The following C20orf203 variants were observed in gnomAD, a reference collection of about 807,000 sequenced individuals.
The protein encoded by C20orf203 is chromosome 20 open reading frame 203.
In C20orf203, 16 loss-of-function variants were observed where a neutral mutation model predicts 15.9. That is an observed-to-expected ratio of 1.01 (90% CI 0.68 to 1.53). The LOEUF (loss-of-function observed/expected upper bound fraction) is 1.53. Among genes scored for constraint, C20orf203 ranks in the 40% most tolerant of loss-of-function variants. The pLI is 0.00. For missense variants in C20orf203, 263 were observed against 247.5 expected (o/e 1.06, Z -0.42); for synonymous variants, 98 against 97.2 (o/e 1.01, Z -0.05).
At chr20:32,658,941 T>G (rs987309545) in intron 1 of C20orf203, among the ~76,000 whole-genome samples, 8 of 151,984 alleles carry the variant, frequency 5.3e-5, no homozygotes, top group Non-Finnish European at 1.5e-5. Context: ...AATGGCGTGA[T>G]CTCGGCTCAC....
intron 1 of C20orf203, among the ~76,000 whole-genome samples, chr20:32,653,316 CT>C (rs900623839): frequency 1.3e-5 from 2 of 151,922 alleles, no homozygotes; most frequent in Non-Finnish European, 2.9e-5. Context: ...TGTACCAATG[CT>C]TTTTTTTAGG....
At chr20:32,637,397 T>C (rs1982165953) in intron 5 of C20orf203, among the ~76,000 whole-genome samples, 2 of 152,040 alleles carry the variant, frequency 1.3e-5, no homozygotes, top group Non-Finnish European at 1.5e-5. Flanking sequence ...ACCTGGGTGA[T>C]AGAGCAAGAC....
intron 1 of C20orf203, among the ~76,000 whole-genome samples, chr20:32,654,470 T>C (rs1335645678): frequency 6.6e-6 from 1 of 152,228 alleles, no homozygotes; most frequent in East Asian, 1.9e-4. Flanking sequence ...AACTTGGTTC[T>C]TTACAGAAAT....
intron 1 of C20orf203, among the ~76,000 whole-genome samples, chr20:32,668,777 A>C (rs533632829): frequency 1.3e-5 from 2 of 152,122 alleles, no homozygotes; most frequent in Non-Finnish European, 1.5e-5. Context: ...AGATCGCCCC[A>C]CTGTAGTCCA....
intron 5 of C20orf203, among the ~76,000 whole-genome samples, chr20:32,639,627 T>TAA (rs11353903): frequency 1.1e-3 from 147 of 129,236 alleles, no homozygotes; most frequent in African/African-American, 2.9e-3. Context: ...TTTTAAATAG[T>TAA]AAAAAAAAAA....
rs1982119413 is a variant in C20orf203 at position 32,635,678 on chromosome 20, G to A, written c.*1300-1408C>T. ...ATACAAAAATTAGCTGGGCATGGTGGTGTGTGCCTGTAGTCCCAGCTACTC... is the reference window on the plus strand; with the variant it reads ...ATACAAAAATTAGCTGGGCATGGTGATGTGTGCCTGTAGTCCCAGCTACTC... On this transcript the variant is annotated intron_variant, in intron 5 of 5. Transcript: ENST00000608990. Among the ~76,000 whole-genome samples, 5 of 152,154 alleles carry A rather than the reference G, an allele frequency of 3.3e-5. 1 individual carries two copies. The East Asian group carries it at 7.7e-4, about 24-fold the overall frequency.
intron 5 of C20orf203, among the ~76,000 whole-genome samples, chr20:32,639,233 T>A (rs1381742947): frequency 2.6e-5 from 4 of 152,240 alleles, no homozygotes; most frequent in Non-Finnish European, 5.9e-5. Context: ...AAACAATCCT[T>A]GCTCTTTGAG....
chr20:32,654,466 G>C (rs1982709510), intron 1 of C20orf203, among the ~76,000 whole-genome samples: 1 of 152,150 alleles, frequency 6.6e-6, no homozygotes, highest in African/African-American at 2.4e-5. Context: ...TTCCAACTTG[G>C]TTCTTTACAG....
At chr20:32,655,043 T>C (rs1341393521) in intron 1 of C20orf203, among the ~76,000 whole-genome samples, 1 of 152,118 alleles carries the variant, frequency 6.6e-6, no homozygotes, top group Non-Finnish European at 1.5e-5. Context: ...GCCGAACATA[T>C]TTAATGGTGG....
chr20:32,641,094 G>C (rs897524454), intron 4 of C20orf203, among the ~76,000 whole-genome samples: 1 of 151,986 alleles, frequency 6.6e-6, no homozygotes, highest in South Asian at 2.1e-4. Flanking sequence ...CGAGGTGGTC[G>C]GATTGCTTGA....
At chr20:32,653,042 C>T (rs1302596012) in intron 1 of C20orf203, among the ~76,000 whole-genome samples, 1 of 152,194 alleles carries the variant, frequency 6.6e-6, no homozygotes, top group African/African-American at 2.4e-5. Flanking sequence ...AGGCGCTGCT[C>T]TCAGCCTCCC....
rs115066933 is a variant in C20orf203 at position 32,631,812 on chromosome 20, C to T, written c.*3758G>A. ...CATAAGAGGCAGGGTCTGTGGGGGT[C>T]AGGCCTGTTTGGTAGTCTCAAGCTA... On this transcript the variant is annotated 3_prime_UTR_variant, in exon 6 of 6. Transcript: ENST00000608990. 2,645 of 152,294 alleles carry T rather than the reference C, an allele frequency of 0.017. 81 individuals carry two copies. Among genetic ancestry groups the T allele is most frequent in the African/African-American group, 0.059 (2,464 of 41,544 alleles). The allele number at this position is 152,294 out of a possible 1,614,324, so 9.4% of individuals were successfully genotyped here. A position where few individuals can be genotyped will look rare whatever the true frequency, so the allele number is the denominator to read the frequency against.
chr20:32,651,288 G>A (rs1482914336), intron 2 of C20orf203, 122 bp from the exon 3 acceptor site: 3 of 405,776 alleles, frequency 7.4e-6, no homozygotes, highest in Non-Finnish European at 1.3e-5. Context: ...GGTTGAGGCC[G>A]TAGTGAGCCA....
intron 4 of C20orf203, among the ~76,000 whole-genome samples, chr20:32,645,669 TC>T (rs1982404570): frequency 6.6e-6 from 1 of 152,214 alleles, no homozygotes; most frequent in East Asian, 1.9e-4. Flanking sequence ...CTGCCCATCT[TC>T]AAGCCCTCCG....
rs1014360996 is a variant in C20orf203, at chr20:32,633,881, T to C, written c.*1689A>G. The C allele has an allele frequency of 2.0e-5, 8 of 396,714 alleles. No individual in the cohort carries two copies. The highest frequency in any genetic ancestry group is 4.4e-6 in the Non-Finnish European group (1 of 225,474). 24.6% of individuals were successfully genotyped at this position (396,714 alleles called of 1,614,324 possible). On this transcript the variant is annotated 3_prime_UTR_variant, in exon 6 of 6. Transcript: ENST00000608990. ...CTCCCTACTCCTGACTTGGGGCCCCTGCTCTGAACCTTCCACCCCGTCCGC... is the reference window on the plus strand; with the variant it reads ...CTCCCTACTCCTGACTTGGGGCCCCCGCTCTGAACCTTCCACCCCGTCCGC...
intron 3 of C20orf203, 62 bp downstream of exon 3, chr20:32,650,956 C>A: frequency 6.9e-7 from 1 of 1,441,170 alleles, no homozygotes; most frequent in Non-Finnish European, 9.2e-7. Context: ...TAGGTCTTCC[C>A]TAATTTCCCA....
At chr20:32,672,763 C>G (rs1165595551) in intron 1 of C20orf203, among the ~76,000 whole-genome samples, 2 of 152,110 alleles carry the variant, frequency 1.3e-5, no homozygotes, top group Non-Finnish European at 2.9e-5. Context: ...CCTGCCTCCC[C>G]CAAGCTCACA....
chr20:32,641,523 A>G (rs1305500309), intron 4 of C20orf203, among the ~76,000 whole-genome samples: 1 of 152,154 alleles, frequency 6.6e-6, no homozygotes, highest in Non-Finnish European at 1.5e-5. Context: ...TTCTATGTTT[A>G]AACTTTTGAG....
At chr20:32,644,383 G>A (rs2145665540) in intron 4 of C20orf203, among the ~76,000 whole-genome samples, 1 of 152,332 alleles carries the variant, frequency 6.6e-6, no homozygotes, top group African/African-American at 2.4e-5. Flanking sequence ...TGGAGGAAAA[G>A]ATTGCAGTGA....
Sources: gnomAD v4.1 joint callset for allele counts (sites outside exome capture counted in the v4.1 genomes callset) on GRCh38, gnomAD v4.1.1 for gene constraint, MANE v1.5 for transcripts, NCBI Gene and HGNC (gene_info 2026-07-23, HGNC 2026-07-21) for gene names.